Variants in RBFOX1 observed in about 807,000 individuals in gnomAD.
RBFOX1 encodes RNA binding protein fox-1 homolog 1.
Under a neutral mutation model 57.7 loss-of-function variants are expected in RBFOX1, and 8 were observed. The observed-to-expected ratio is 0.14, with a 90% confidence interval of 0.08 to 0.25. RBFOX1 has a LOEUF of 0.25. Among genes scored for constraint, RBFOX1 ranks in the 10% least tolerant of loss-of-function variants. The pLI, the probability that RBFOX1 is intolerant of heterozygous loss-of-function variation, is 1.00. For synonymous variants in RBFOX1, 326 were observed against 222.4 expected (o/e 1.47, Z -4.15); for missense variants, 611 against 548.5 (o/e 1.11, Z -1.14).
At chr16:7,607,826 G>A (rs145620041) in intron 10 of RBFOX1, among the ~76,000 whole-genome samples, 2,407 of 152,276 alleles carry the variant, frequency 0.016, 30 homozygotes, top group Non-Finnish European at 0.026. Flanking sequence ...AAAGTTGTCC[G>A]TCTTCGTTCA....
intron 3 of RBFOX1, among the ~76,000 whole-genome samples, chr16:5,622,361 C>G (rs936175598): frequency 6.6e-6 from 1 of 152,182 alleles, no homozygotes; most frequent in Non-Finnish European, 1.5e-5. Flanking sequence ...GTCTTTTCCA[C>G]CAGAATGTAG....
chr16:7,037,228 C>CTTTTTTT (rs889539532), intron 3 of RBFOX1, among the ~76,000 whole-genome samples: 7 of 80,552 alleles, frequency 8.7e-5, no homozygotes, highest in African/African-American at 2.7e-4. Flanking sequence ...GTCTTAGCCT[C>CTTTTTTT]TTTTTTTTTT....
In RBFOX1 at chr16:5,898,603, C is replaced by T. The variant is rs1033695301; in HGVS notation, c.351+31268C>T. On this transcript the variant is annotated intron_variant, in intron 4 of 19. Transcript: ENST00000641259. The stretch of plus-strand genomic sequence containing the variant: ...ATGAGCATAGATTCTATTGTCAAGT[C>T]TGTTTTGCAGATGAATGAATCAAGG... Among the ~76,000 whole-genome samples the T allele has an allele frequency of 4.6e-5, 7 of 151,148 alleles. No homozygotes were observed. In the East Asian group the frequency reaches 7.8e-4, roughly 17 times the overall value.
At chr16:5,477,362 G>A (rs1394388236) in intron 2 of RBFOX1, among the ~76,000 whole-genome samples, 1 of 152,116 alleles carries the variant, frequency 6.6e-6, no homozygotes, top group Non-Finnish European at 1.5e-5. Context: ...TGGGGAAGGA[G>A]GTAATGATTT....
chr16:6,236,508 C>T (rs1208566341), intron 1 of RBFOX1, among the ~76,000 whole-genome samples: 1 of 151,798 alleles, frequency 6.6e-6, no homozygotes, highest in Non-Finnish European at 1.5e-5. Context: ...CATCTCGGCT[C>T]ACTGCAACCT....
Position 6,496,767 on chromosome 16 carries a change from C to T in RBFOX1, c.-63-157836C>T, listed in dbSNP as rs549281517. Among the ~76,000 whole-genome samples, 5 of 152,192 alleles carry T rather than the reference C, an allele frequency of 3.3e-5. No individual in the cohort carries two copies. The East Asian group carries it at 9.7e-4, about 30-fold the overall frequency. Reference sequence around the variant, plus strand: ...TTGAGGTCAGGAGTTCGAGACCAGCCTGGCCAACATGGTGAAACGTCATCT... The same window carrying T: ...TTGAGGTCAGGAGTTCGAGACCAGCTTGGCCAACATGGTGAAACGTCATCT... On this transcript the variant is annotated intron_variant, in intron 2 of 15. Coordinates refer to ENST00000550418, the MANE Select transcript of RBFOX1 (RefSeq NM_018723.4).
At chr16:5,301,618 C>CAAAAAA (rs60501583) in intron 1 of RBFOX1, among the ~76,000 whole-genome samples, 19 of 86,968 alleles carry the variant, frequency 2.2e-4, no homozygotes, top group East Asian at 1.0e-3. Flanking sequence ...GTCTCCATCT[C>CAAAAAA]AAAAAAAAAA....
In RBFOX1 at chr16:7,466,820, G is replaced by A. The variant is rs141931034; in HGVS notation, c.28-51327G>A. 1.5e-3 allele frequency among the ~76,000 whole-genome samples: 225 copies of A among 152,226 alleles called. 1 individual carries two copies. Among genetic ancestry groups the A allele is most frequent in the African/African-American group, 5.1e-3 (211 of 41,530 alleles). ...GATTATATACACAATGCTAGGTTGG[G>A]GACACCATACTTCCAAAGGAATAAG... On this transcript the variant is annotated intron_variant, in intron 4 of 15. Transcript: ENST00000550418.
At chr16:6,634,245 T>C (rs1282285627) in intron 2 of RBFOX1, among the ~76,000 whole-genome samples, 2 of 152,118 alleles carry the variant, frequency 1.3e-5, no homozygotes, top group African/African-American at 4.8e-5. Context: ...ATATTTCTGT[T>C]ACTCCTTTAA....
intron 3 of RBFOX1, among the ~76,000 whole-genome samples, chr16:5,845,061 CTTTT>C (rs34775077): frequency 7.1e-6 from 1 of 140,206 alleles, no homozygotes; most frequent in South Asian, 2.3e-4. Flanking sequence ...ACCCGAGATT[CTTTT>C]TTTTTTTTTT....
intron 1 of RBFOX1, among the ~76,000 whole-genome samples, chr16:6,244,654 C>T (rs1357339639): frequency 6.6e-6 from 1 of 152,138 alleles, no homozygotes; most frequent in African/African-American, 2.4e-5. Flanking sequence ...GGATTACAGG[C>T]ATGTGCCACC....
At chr16:7,706,366 T>G (rs1211930275) in intron 14 of RBFOX1, among the ~76,000 whole-genome samples, 1 of 152,212 alleles carries the variant, frequency 6.6e-6, no homozygotes, top group Non-Finnish European at 1.5e-5. Context: ...TGCTGCTGTA[T>G]TTTCCTTCTG....
intron 4 of RBFOX1, among the ~76,000 whole-genome samples, chr16:7,412,781 G>C (rs1478568506): frequency 2.6e-5 from 4 of 152,170 alleles, no homozygotes; most frequent in African/African-American, 9.7e-5. Context: ...GGTGGCTCAC[G>C]CCTGTGATCC....
At chr16:6,836,475 C>G (rs1374713311) in intron 3 of RBFOX1, among the ~76,000 whole-genome samples, 4 of 152,200 alleles carry the variant, frequency 2.6e-5, no homozygotes, top group Admixed American at 2.6e-4. Flanking sequence ...GCAGAGGTAT[C>G]TTGCTTTCTG....
At chr16:5,945,165 A>T (rs2059376112) in intron 4 of RBFOX1, among the ~76,000 whole-genome samples, 1 of 152,042 alleles carries the variant, frequency 6.6e-6, no homozygotes, top group South Asian at 2.1e-4. Flanking sequence ...TGAGCAAGTC[A>T]TTACAGAATT....
chr16:7,427,324 G>A (rs561912604), intron 4 of RBFOX1, among the ~76,000 whole-genome samples: 1 of 152,262 alleles, frequency 6.6e-6, no homozygotes, highest in South Asian at 2.1e-4. Context: ...GTAGGACGGG[G>A]CCAAGTAATT....
intron 11 of RBFOX1, among the ~76,000 whole-genome samples, chr16:7,646,896 C>A (rs575704723): frequency 6.6e-6 from 1 of 152,098 alleles, no homozygotes; most frequent in African/African-American, 2.4e-5. Flanking sequence ...AAGACACACT[C>A]ATCACTGTAA....
intron 1 of RBFOX1, among the ~76,000 whole-genome samples, chr16:5,403,289 G>T (rs999191195): frequency 1.3e-5 from 2 of 150,112 alleles, no homozygotes; most frequent in African/African-American, 4.9e-5. Flanking sequence ...GGTGGAGTTT[G>T]CGGTGTGCCG....
intron 4 of RBFOX1, among the ~76,000 whole-genome samples, chr16:7,272,295 C>A (rs1377556167): frequency 6.6e-6 from 1 of 152,138 alleles, no homozygotes; most frequent in Non-Finnish European, 1.5e-5. Flanking sequence ...AGTGATTGTC[C>A]TGCCTCGGCC....
Sources: allele counts gnomAD v4.1 joint callset (sites outside exome capture counted in the v4.1 genomes callset), GRCh38; gene constraint gnomAD v4.1.1; transcripts MANE v1.5; gene names NCBI Gene and HGNC (gene_info 2026-07-23, HGNC 2026-07-21).